SACM1L: variants seen among roughly 807,000 people sequenced by gnomAD.
SACM1L encodes the protein phosphatidylinositol-3-phosphatase SAC1.
A neutral mutation model predicts 89.5 loss-of-function variants in SACM1L; 32 were observed. The ratio of observed to expected loss-of-function variants is 0.36; its 90% CI spans 0.27 to 0.48. The LOEUF (loss-of-function observed/expected upper bound fraction) is 0.48. Ranked by LOEUF, SACM1L falls within the 20% of genes least tolerant of loss-of-function variation. SACM1L has a pLI of 0.99. For missense variants in SACM1L, 543 were observed against 708.5 expected, an observed-to-expected ratio of 0.77 and a Z score of 2.65; for synonymous variants, 213 against 232.8, an observed-to-expected ratio of 0.92 and a Z score of 0.77.
intron 16 of SACM1L, 65 bp downstream of exon 16, chr3:45,737,909 C>T (rs1401740306): frequency 7.5e-7 from 1 of 1,332,884 alleles, no homozygotes; most frequent in East Asian, 2.3e-5. Flanking sequence ...TTTTAAAAAT[C>T]ACCTGGGCAG....
chr3:45,695,995 T>G (rs1698113878), intron 1 of SACM1L, among the ~76,000 whole-genome samples: 1 of 149,382 alleles, frequency 6.7e-6, no homozygotes, highest in Non-Finnish European at 1.5e-5. Flanking sequence ...TGTCAGAATT[T>G]CCTTTTTTTT....
rs1699084759 is a variant in SACM1L at position 45,732,038 on chromosome 3, C to A, written c.1002-15C>A. The stretch of plus-strand genomic sequence containing the variant: ...TGATCTCTGGTCGGTTTCTGAATAT[C>A]TTTTCTTTTGGTAGATACATTGCCT... On this transcript the variant is annotated splice_polypyrimidine_tract_variant and intron_variant, in intron 12 of 19. Coordinates refer to ENST00000389061, the MANE Select transcript of SACM1L (RefSeq NM_014016.5). 6.8e-7 allele frequency: 1 copy of A among 1,478,224 alleles called. No homozygotes were observed. The highest frequency in any genetic ancestry group is 9.2e-7 in the Non-Finnish European group (1 of 1,084,942). The allele number at this position is 1,478,224 out of a possible 1,614,324, so 91.6% of individuals were successfully genotyped here.
At chr3:45,739,940 T>C (rs905410594) in intron 19 of SACM1L, 1 of 412,922 alleles carries the variant, frequency 2.4e-6, no homozygotes, top group African/African-American at 2.0e-5. Flanking sequence ...TTGCCAAGGT[T>C]GAGGACCTGC....
chr3:45,694,743 T>C (rs1162837531), intron 1 of SACM1L, among the ~76,000 whole-genome samples: 1 of 152,132 alleles, frequency 6.6e-6, no homozygotes, highest in Non-Finnish European at 1.5e-5. Context: ...CTCTGAAATA[T>C]TTTAGGGCTG....
At chr3:45,702,262 A>G (rs1329027730) in intron 1 of SACM1L, among the ~76,000 whole-genome samples, 1 of 152,230 alleles carries the variant, frequency 6.6e-6, no homozygotes, top group East Asian at 1.9e-4. Flanking sequence ...ACATTTTTCT[A>G]TAATGCCAAA....
At chr3:45,696,326 T>C (rs146446369) in intron 1 of SACM1L, among the ~76,000 whole-genome samples, 1 of 152,204 alleles carries the variant, frequency 6.6e-6, no homozygotes, top group Admixed American at 6.5e-5. Context: ...CTGAATAATA[T>C]TCCATTATAT....
chr3:45,727,131 C>A (rs1300684542), intron 11 of SACM1L, among the ~76,000 whole-genome samples: 2 of 21,780 alleles, frequency 9.2e-5, no homozygotes, highest in Admixed American at 7.7e-4. Context: ...ATGATCCACC[C>A]GCCTCGGCCT....
chr3:45,723,200 A>G (rs528604871), intron 10 of SACM1L, among the ~76,000 whole-genome samples: 44 of 152,270 alleles, frequency 2.9e-4, no homozygotes, highest in African/African-American at 1.0e-3. Flanking sequence ...TCTCAGTAAG[A>G]TTTGTAACTT....
rs1698079400 is a variant in SACM1L at position 45,694,619 on chromosome 3, C to T, written c.32+5122C>T. 2.0e-5 allele frequency among the ~76,000 whole-genome samples: 3 copies of T among 152,106 alleles called. No individual in the cohort carries two copies. In the South Asian group the frequency reaches 6.2e-4, roughly 32 times the overall value. ...AGGCTACATCAAATGACTTGGTATG[C>T]TTGTTTTAAGTGCGTATTCCAGGGC... On this transcript the variant is annotated intron_variant, in intron 1 of 19. Transcript: ENST00000389061.
chr3:45,714,003 A>G (rs1282115112), intron 6 of SACM1L, 43 bp from the exon 7 acceptor site: 2 of 1,082,664 alleles, frequency 1.8e-6, no homozygotes, highest in Non-Finnish European at 1.3e-6. Flanking sequence ...ATGCTTATTT[A>G]TTTTTAAAGT....
At chr3:45,712,598 A>T (rs1191257107) in intron 5 of SACM1L, among the ~76,000 whole-genome samples, 1 of 152,158 alleles carries the variant, frequency 6.6e-6, no homozygotes, top group Non-Finnish European at 1.5e-5. Context: ...TGAAAGTTGG[A>T]GTGGCCAGAG....
chr3:45,719,060 A>G (rs1698729910), intron 7 of SACM1L, among the ~76,000 whole-genome samples: 1 of 152,144 alleles, frequency 6.6e-6, no homozygotes, highest in African/African-American at 2.4e-5. Flanking sequence ...TGGCTAATTT[A>G]TAATTATGTG....
Position 45,706,842 on chromosome 3 carries a change from T to A in SACM1L, c.268T>A (p.Trp90Arg). The A allele has an allele frequency of 6.2e-7, 1 of 1,613,218 alleles. No homozygotes were observed. Among genetic ancestry groups the A allele is most frequent in the Non-Finnish European group, 8.5e-7 (1 of 1,179,352 alleles). ...AGGTGAATTTTTCAGTCATGTAGTC[T>A]GGAAAGCAACAGATTTTGATGTCCT... ...KVGEFFSHVV[W>R]KATDFDVLSY... Residue 90 changes from tryptophan (W) to arginine (R), a missense_variant, in exon 4 of 20, where the codon TGG becomes AGG. By Grantham distance (101) the Trp-to-Arg change is moderately radical (BLOSUM62 -3). Around this residue, in one of 2 missense-constraint regions of SACM1L, gnomAD observed 173 missense variants for 180.9 expected, o/e 0.96. Coordinates refer to ENST00000389061, the MANE Select transcript of SACM1L (RefSeq NM_014016.5).
rs1286359903 is a variant in SACM1L, at chr3:45,731,387, C to T, written c.1001+7C>T. ...TGGGAAGTGGAATGATGAGGTACCT[C>T]ACTAGAAATCTGTTGCAGGTCTTTT... On this transcript the variant is annotated splice_region_variant and intron_variant, in intron 12 of 19. Transcript: ENST00000389061. The T allele has an allele frequency of 1.3e-6, 2 of 1,598,140 alleles. No individual in the cohort carries two copies. The highest frequency in any genetic ancestry group is 4.5e-5 in the East Asian group (2 of 44,732).
chr3:45,734,318 C>T (rs1453771387), intron 13 of SACM1L, among the ~76,000 whole-genome samples: 1 of 150,774 alleles, frequency 6.6e-6, no homozygotes, highest in Non-Finnish European at 1.5e-5. Context: ...GAGGCCGAGG[C>T]AGGAGAATCA....
At position 45,719,101 on chromosome 3, in the gene SACM1L, G is replaced by T. The variant is rs185911481; in HGVS notation, c.578-399G>T. On this transcript the variant is annotated intron_variant, in intron 7 of 19. Coordinates refer to ENST00000389061, the MANE Select transcript of SACM1L (RefSeq NM_014016.5). Reference sequence around the variant, plus strand: ...CATTTCATTTTTTTTCCCCTTAGCTGCAGTAGCCTAGCCTTCCCTCCCCAT... The same window carrying T: ...CATTTCATTTTTTTTCCCCTTAGCTTCAGTAGCCTAGCCTTCCCTCCCCAT... Among the ~76,000 whole-genome samples, 425 of 152,066 alleles carry T rather than the reference G, an allele frequency of 2.8e-3. 1 individual carries two copies. Among genetic ancestry groups the T allele is most frequent in the Middle Eastern group, 6.8e-3 (2 of 294 alleles).
intron 1 of SACM1L, among the ~76,000 whole-genome samples, chr3:45,692,069 G>A (rs1403117341): frequency 6.6e-6 from 1 of 152,096 alleles, no homozygotes; most frequent in African/African-American, 2.4e-5. Context: ...CTTCAAACTT[G>A]GGTGTTATTT....
intron 1 of SACM1L, among the ~76,000 whole-genome samples, chr3:45,691,568 A>T (rs1697989203): frequency 1.3e-5 from 2 of 152,048 alleles, no homozygotes; most frequent in Admixed American, 1.3e-4. Flanking sequence ...AAGGATTGCT[A>T]AAAGGATTTA....
chr3:45,737,458 G>C, intron 14 of SACM1L, 125 bp from the exon 15 acceptor site: 1 of 952,044 alleles, frequency 1.1e-6, no homozygotes, highest in South Asian at 1.4e-5. Context: ...ATAGACAACA[G>C]ACATTTCTGG....
Sources: allele counts gnomAD v4.1 joint callset (sites outside exome capture counted in the v4.1 genomes callset), GRCh38; gene constraint gnomAD v4.1.1; regional missense constraint gnomAD v4.1.1; transcripts MANE v1.5; gene names NCBI Gene and HGNC (gene_info 2026-07-23, HGNC 2026-07-21).